Variants in PNLIPRP3 observed in about 807,000 individuals in gnomAD.
The protein encoded by PNLIPRP3 is pancreatic lipase-related protein 3.
A neutral mutation model predicts 52.8 loss-of-function variants in PNLIPRP3; 58 were observed. The observed-to-expected ratio is 1.10, with a 90% confidence interval of 0.89 to 1.37. The LOEUF is 1.37. Ranked by LOEUF, PNLIPRP3 falls within the 40% of genes most tolerant of loss-of-function variation. The pLI, the probability that PNLIPRP3 is intolerant of heterozygous loss-of-function variation, is 0.00. For missense variants in PNLIPRP3, 593 were observed against 561.6 expected (o/e 1.06, Z -0.57); for synonymous variants, 192 against 185.0 (o/e 1.04, Z -0.31).
intron 4 of PNLIPRP3, among the ~76,000 whole-genome samples, chr10:116,453,290 G>T (rs1171810961): frequency 6.6e-6 from 1 of 152,180 alleles, no homozygotes; most frequent in Non-Finnish European, 1.5e-5. Context: ...TGTCTTGGAA[G>T]TAAATAACTT....
At chr10:116,476,503 G>C (rs1251227419) in intron 10 of PNLIPRP3, 149 bp from the exon 11 acceptor site, 1 of 536,500 alleles carries the variant, frequency 1.9e-6, no homozygotes, top group Non-Finnish European at 3.1e-6. Context: ...CTGAGATGCT[G>C]ATCAATACAC....
intron 4 of PNLIPRP3, among the ~76,000 whole-genome samples, chr10:116,450,647 T>G (rs1187632851): frequency 1.3e-5 from 2 of 151,570 alleles, no homozygotes; most frequent in African/African-American, 4.8e-5. Context: ...ACCACAGAAA[T>G]AAAAGGAACA....
rs1490631199 is a variant in PNLIPRP3 at position 116,457,872 on chromosome 10, A to C, written c.565+2042A>C. Among the ~76,000 whole-genome samples, 6 of 152,214 alleles carry C rather than the reference A, an allele frequency of 3.9e-5. No individual in the cohort carries two copies. In the East Asian group the frequency reaches 1.2e-3, roughly 29 times the overall value. ...ATCAGGTGAATTATCCTGCTGGGTA[A>C]ATAGAAAACAGATTTTTAAAGGTTT... On this transcript the variant is annotated intron_variant, in intron 5 of 11. Coordinates refer to ENST00000369230, the MANE Select transcript of PNLIPRP3 (RefSeq NM_001011709.3).
intron 5 of PNLIPRP3, among the ~76,000 whole-genome samples, chr10:116,456,808 G>A (rs765391455): frequency 2.6e-5 from 4 of 152,252 alleles, no homozygotes; most frequent in Admixed American, 6.5e-5. Flanking sequence ...CAAGCCCCAC[G>A]TCTCCTTCAT....
intron 7 of PNLIPRP3, among the ~76,000 whole-genome samples, chr10:116,463,061 A>G (rs925996387): frequency 1.3e-5 from 2 of 152,236 alleles, no homozygotes; most frequent in East Asian, 1.9e-4. Flanking sequence ...ATATAAATCT[A>G]TAGATATACA....
intron 10 of PNLIPRP3, among the ~76,000 whole-genome samples, chr10:116,475,402 A>G (rs1445587817): frequency 6.6e-6 from 1 of 152,134 alleles, no homozygotes; most frequent in Non-Finnish European, 1.5e-5. Flanking sequence ...GTACCTGCAC[A>G]TGTACCCCTG....
At chr10:116,444,568 C>T in intron 4 of PNLIPRP3, 55 bp downstream of exon 4, 1 of 1,522,984 alleles carries the variant, frequency 6.6e-7, no homozygotes, top group Admixed American at 1.8e-5. Context: ...GATATTAACA[C>T]TCAGAAGTTG....
intron 4 of PNLIPRP3, among the ~76,000 whole-genome samples, chr10:116,446,156 C>T (rs749306443): frequency 7.2e-5 from 11 of 151,812 alleles, no homozygotes; most frequent in East Asian, 1.9e-4. Context: ...ACCATCCTGG[C>T]GAACAAAATG....
intron 4 of PNLIPRP3, 137 bp downstream of exon 4, chr10:116,444,650 G>A: frequency 1.1e-6 from 1 of 883,538 alleles, no homozygotes; most frequent in Admixed American, 2.7e-5. Context: ...ATTTGTATAT[G>A]GCAGACAAAA....
intron 8 of PNLIPRP3, among the ~76,000 whole-genome samples, chr10:116,467,096 A>T (rs2133151857): frequency 6.6e-6 from 1 of 152,276 alleles, no homozygotes. Flanking sequence ...ATATTTGGAG[A>T]TAAGAGTTAA....
intron 5 of PNLIPRP3, among the ~76,000 whole-genome samples, chr10:116,459,602 G>A (rs932769103): frequency 2.0e-5 from 3 of 152,042 alleles, no homozygotes; most frequent in East Asian, 1.9e-4. Context: ...ATCTTCCACC[G>A]AATCCTAGAA....
Position 116,469,264 on chromosome 10 carries a change from A to G in PNLIPRP3, c.1007A>G (p.Lys336Arg), listed in dbSNP as rs1407794822. ...GATAGATTTCACTTCAAAAATATGA[A>G]GACTAATGGATCACATTATTTTTTA... ...FADRFHFKNM[K>R]TNGSHYFLNT... Residue 336 changes from lysine (K) to arginine (R), a missense_variant, in exon 9 of 12, where the codon AAG becomes AGG. Transcript: ENST00000369230. The G allele has an allele frequency of 1.2e-6, 2 of 1,611,648 alleles. No individual in the cohort carries two copies. Among genetic ancestry groups the G allele is most frequent in the East Asian group, 4.5e-5 (2 of 44,746 alleles).
At chr10:116,444,303 A>T in intron 3 of PNLIPRP3, 79 bp from the exon 4 acceptor site, 2 of 1,247,200 alleles carry the variant, frequency 1.6e-6, no homozygotes, top group Admixed American at 5.4e-5. Flanking sequence ...ATAATTTCTT[A>T]TTATGGAATC....
intron 8 of PNLIPRP3, among the ~76,000 whole-genome samples, chr10:116,468,115 ACT>A (rs1361636724): frequency 2.6e-5 from 3 of 114,378 alleles, no homozygotes; most frequent in African/African-American, 3.6e-5. Context: ...ACAGAGCCAG[ACT>A]CTGTCTCGCA....
In PNLIPRP3 at chr10:116,429,562, A is replaced by T. The variant is rs191328780; in HGVS notation, c.49+1501A>T. On this transcript the variant is annotated intron_variant, in intron 1 of 11. Coordinates refer to ENST00000369230, the MANE Select transcript of PNLIPRP3 (RefSeq NM_001011709.3). ...CTTGACTTTCAGTTCAGTGTTTTTC[A>T]GTCCCTGGCCTCCAGCTCTTCTCTA... is the stretch of plus-strand genomic sequence containing the variant. Among the ~76,000 whole-genome samples the T allele has an allele frequency of 2.6e-5, 4 of 152,316 alleles. No homozygotes were observed. In the East Asian group the frequency reaches 7.7e-4, roughly 29 times the overall value.
At chr10:116,436,943 C>G in intron 2 of PNLIPRP3, 78 bp downstream of exon 2, 6 of 1,354,224 alleles carry the variant, frequency 4.4e-6, no homozygotes, top group East Asian at 2.4e-5. Context: ...GACATAGATA[C>G]AGTAACCTAT....
intron 4 of PNLIPRP3, among the ~76,000 whole-genome samples, chr10:116,453,740 G>A (rs190995306): frequency 4.6e-5 from 7 of 152,170 alleles, no homozygotes; most frequent in Middle Eastern, 3.4e-3. Flanking sequence ...TGCCTTCCCC[G>A]ATGATTCTAA....
intron 5 of PNLIPRP3, 42 bp from the exon 6 acceptor site, chr10:116,460,924 T>C (rs1846181868): frequency 3.1e-6 from 5 of 1,598,240 alleles, no homozygotes; most frequent in Non-Finnish European, 3.4e-6. Context: ...ACAATATTAA[T>C]GTGCACTTCC....
At position 116,448,235 on chromosome 10, in the gene PNLIPRP3, TAC is replaced by T. The variant is rs1845984234; in HGVS notation, c.456+3726_456+3727del. 3.9e-5 allele frequency among the ~76,000 whole-genome samples: 6 copies of T among 152,084 alleles called. No individual in the cohort carries two copies. In the South Asian group the frequency reaches 1.2e-3, roughly 32 times the overall value. ...CTATAACTAAAAATATGTTAATGGA[TAC>T]ACAATAAAAAAGACGTAATTATGAC... On this transcript the variant is annotated intron_variant, in intron 4 of 11. Transcript: ENST00000369230.
Sources: gnomAD v4.1 joint callset for allele counts (sites outside exome capture counted in the v4.1 genomes callset) on GRCh38, gnomAD v4.1.1 for gene constraint, MANE v1.5 for transcripts, NCBI Gene and HGNC (gene_info 2026-07-23, HGNC 2026-07-21) for gene names.